The following DOCK7 variants were observed in gnomAD, a reference collection of about 807,000 sequenced individuals.
DOCK7 encodes dedicator of cytokinesis protein 7.
A neutral mutation model predicts 271.0 loss-of-function variants in DOCK7; 138 were observed. The ratio of observed to expected loss-of-function variants is 0.51; its 90% CI spans 0.44 to 0.59. The LOEUF is 0.59. DOCK7 is among the 20% of genes least tolerant of loss of function. The pLI, the probability that DOCK7 is intolerant of heterozygous loss-of-function variation, is 0.00. For synonymous variants in DOCK7, 823 were observed against 876.1 expected, an observed-to-expected ratio of 0.94 and a Z score of 1.07; for missense variants, 2,066 against 2,592.4, an observed-to-expected ratio of 0.80 and a Z score of 4.41.
intron 14 of DOCK7, chr1:62,602,310 T>A (rs1650258769): frequency 6.2e-7 from 1 of 1,610,502 alleles, no homozygotes; most frequent in African/African-American, 1.3e-5. Flanking sequence ...TAATTCAACA[T>A]CGAATAGATG....
chr1:62,470,941 C>T (rs923409116), intron 48 of DOCK7, among the ~76,000 whole-genome samples: 7 of 152,142 alleles, frequency 4.6e-5, no homozygotes, highest in Non-Finnish European at 1.0e-4. Context: ...CCCCCACCTC[C>T]TCTGCCTCTG....
intron 4 of DOCK7, among the ~76,000 whole-genome samples, chr1:62,650,301 T>C (rs947354069): frequency 3.3e-5 from 5 of 152,140 alleles, no homozygotes; most frequent in Non-Finnish European, 5.9e-5. Context: ...TGCTGTATCA[T>C]CAGTCTTTAG....
chr1:62,666,616 A>G (rs536012758), intron 1 of DOCK7, among the ~76,000 whole-genome samples: 2 of 152,338 alleles, frequency 1.3e-5, no homozygotes, highest in South Asian at 4.1e-4. Flanking sequence ...TCTCTTAACC[A>G]TATCATGATC....
chr1:62,499,937 GA>G (rs11409086), intron 37 of DOCK7, among the ~76,000 whole-genome samples: 85,251 of 148,080 alleles, frequency 0.58, 25,746 homozygotes, highest in East Asian at 0.75. Context: ...AAACTGTTCT[GA>G]AAAAAAAAAA....
chr1:62,598,360 G>A (rs981780470), intron 14 of DOCK7, among the ~76,000 whole-genome samples: 7 of 151,918 alleles, frequency 4.6e-5, no homozygotes, highest in Admixed American at 1.3e-4. Flanking sequence ...CTGAAGGTAA[G>A]TAAAAAGTTA....
At chr1:62,604,764 A>T (rs1650719477) in intron 14 of DOCK7, 9 of 1,613,100 alleles carry the variant, frequency 5.6e-6, no homozygotes, top group Non-Finnish European at 7.6e-6. Flanking sequence ...GTTATACTCT[A>T]TAAAATCAAC....
chr1:62,558,248 A>G (rs1225426059), intron 20 of DOCK7, among the ~76,000 whole-genome samples: 1 of 152,144 alleles, frequency 6.6e-6, no homozygotes, highest in Non-Finnish European at 1.5e-5. Context: ...CCTTGGAATA[A>G]TATTTACCTG....
chr1:62,591,912 A>T (rs1648508424), intron 14 of DOCK7, among the ~76,000 whole-genome samples: 1 of 152,228 alleles, frequency 6.6e-6, no homozygotes, highest in Non-Finnish European at 1.5e-5. Flanking sequence ...TATTTGTATA[A>T]CTGCTCTATT....
chr1:62,630,212 C>T (rs569643436), intron 11 of DOCK7, among the ~76,000 whole-genome samples: 208 of 152,246 alleles, frequency 1.4e-3, no homozygotes, highest in Non-Finnish European at 1.6e-3. Flanking sequence ...CTAGGCCATA[C>T]ATGGAATCAA....
intron 31 of DOCK7, chr1:62,516,989 C>G (rs1365886103): frequency 6.6e-6 from 1 of 152,432 alleles, no homozygotes; most frequent in Non-Finnish European, 1.5e-5. Flanking sequence ...CAGTCATATA[C>G]TAATCTCCAG....
At chr1:62,480,480 C>G (rs1646088405) in intron 43 of DOCK7, among the ~76,000 whole-genome samples, 1 of 152,030 alleles carries the variant, frequency 6.6e-6, no homozygotes, top group South Asian at 2.1e-4. Flanking sequence ...GGGATATATG[C>G]TATACTAAAA....
At chr1:62,577,218 C>T in intron 18 of DOCK7, 44 bp downstream of exon 18, 1 of 1,247,426 alleles carries the variant, frequency 8.0e-7, no homozygotes, top group Middle Eastern at 2.0e-4. Flanking sequence ...AGTAAAAAAC[C>T]CATTTCATTC....
At chr1:62,516,344 C>T (rs994062002) in intron 31 of DOCK7, among the ~76,000 whole-genome samples, 1 of 152,120 alleles carries the variant, frequency 6.6e-6, no homozygotes, top group African/African-American at 2.4e-5. Flanking sequence ...CAGTCTCAAC[C>T]AGGGTTCCGT....
intron 9 of DOCK7, 44 bp from the exon 10 acceptor site, chr1:62,633,622 G>T: frequency 7.3e-7 from 1 of 1,373,936 alleles, no homozygotes; most frequent in Non-Finnish European, 1.0e-6. Context: ...TTAAAAGCCT[G>T]AAATTCAAGG....
At chr1:62,588,699 C>T (rs1005681809) in intron 14 of DOCK7, among the ~76,000 whole-genome samples, 6 of 151,850 alleles carry the variant, frequency 4.0e-5, no homozygotes, top group East Asian at 1.9e-4. Context: ...AATTAGTAGA[C>T]GATGATCAAT....
chr1:62,645,930 G>A (rs1368055840), intron 7 of DOCK7, among the ~76,000 whole-genome samples: 3 of 151,696 alleles, frequency 2.0e-5, no homozygotes, highest in South Asian at 2.1e-4. Flanking sequence ...GGCAGAACAC[G>A]AGGTCAGGAG....
intron 4 of DOCK7, among the ~76,000 whole-genome samples, chr1:62,652,147 G>A (rs1426892394): frequency 6.6e-6 from 1 of 152,192 alleles, no homozygotes; most frequent in African/African-American, 2.4e-5. Context: ...AGGTTTCAGA[G>A]TAACTACATA....
rs1348651221 is a variant in DOCK7 at position 62,492,812 on chromosome 1, G to A, written c.5253C>T (p.Val1751=). 8 of 1,613,692 alleles carry A rather than the reference G, an allele frequency of 5.0e-6. No homozygotes were observed. The highest frequency in any genetic ancestry group is 1.1e-5 in the South Asian group (1 of 91,042). ...CATCTGGAGATACCACATCATCTGA[G>A]ACCGCAGATTCTTCTAAAACATTAG... ...ISSNVLEESA[V]SDDVVSPDEE... Residue 1751 remains valine (V), a synonymous_variant, in exon 41 of 50, where the codon GTC becomes GTT. Transcript: ENST00000635253.
chr1:62,534,038 A>T (rs1441928147), intron 29 of DOCK7, among the ~76,000 whole-genome samples: 1 of 151,418 alleles, frequency 6.6e-6, no homozygotes, highest in Non-Finnish European at 1.5e-5. Flanking sequence ...TTGCTCTATC[A>T]CCCAGGATGG....
Sources: allele counts gnomAD v4.1 joint callset (sites outside exome capture counted in the v4.1 genomes callset), GRCh38; gene constraint gnomAD v4.1.1; transcripts MANE v1.5; gene names NCBI Gene and HGNC (gene_info 2026-07-23, HGNC 2026-07-21).